TDP1: variants seen among roughly 807,000 people sequenced by gnomAD.
The protein encoded by TDP1 is tyr-DNA phosphodiesterase 1.
TDP1 carries 64 observed loss-of-function variants against 81.5 expected under a neutral mutation model. The ratio of observed to expected loss-of-function variants is 0.79; its 90% CI spans 0.64 to 0.97. The LOEUF (loss-of-function observed/expected upper bound fraction) is 0.97, where lower values mean the gene tolerates loss of function less well. Among genes scored for constraint, TDP1 ranks in the 50% least tolerant of loss-of-function variants. The pLI is 0.00. For missense variants in TDP1, 723 were observed against 743.8 expected (o/e 0.97, Z 0.33); for synonymous variants, 256 against 264.3 (o/e 0.97, Z 0.30).
rs143598870 is a variant in TDP1 at position 89,963,341 on chromosome 14, G to A, written c.227G>A (p.Arg76Lys). 6.2e-7 allele frequency: 1 copy of A among 1,614,190 alleles called. No homozygotes were observed. The highest frequency in any genetic ancestry group is 1.7e-5 in the Admixed American group (1 of 60,022). Reference sequence around the variant, plus strand: ...ACAGATTCAGTTTTACCTCCCAAAAGGCAGAAAAGCGGTTCCCAGGAGGAC... The same window carrying A: ...ACAGATTCAGTTTTACCTCCCAAAAAGCAGAAAAGCGGTTCCCAGGAGGAC... ...SNTDSVLPPK[R>K]QKSGSQEDLG... Residue 76 changes from arginine to lysine, a missense_variant, in exon 3 of 17, where the codon AGG becomes AAG. Coordinates refer to ENST00000335725, the MANE Select transcript of TDP1 (RefSeq NM_018319.4).
intron 15 of TDP1, among the ~76,000 whole-genome samples, chr14:90,027,236 T>G (rs1566923514): frequency 6.6e-6 from 1 of 152,238 alleles, no homozygotes; most frequent in South Asian, 2.1e-4. Context: ...CTGGCAAGAA[T>G]TTCTCTGCCT....
intron 14 of TDP1, among the ~76,000 whole-genome samples, chr14:89,998,432 G>GTA (rs1896897514): frequency 1.8e-5 from 2 of 109,954 alleles, no homozygotes; most frequent in African/African-American, 8.3e-5. Flanking sequence ...ATGTATGTAT[G>GTA]TATGTATGTA....
intron 16 of TDP1, among the ~76,000 whole-genome samples, chr14:90,038,657 G>A (rs1391243539): frequency 6.6e-6 from 1 of 152,120 alleles, no homozygotes; most frequent in Admixed American, 6.5e-5. Context: ...GGCCAACATG[G>A]TGAAACCCTG....
chr14:89,977,368 GCTC>G, intron 7 of TDP1, among the ~76,000 whole-genome samples: 1 of 152,096 alleles, frequency 6.6e-6, no homozygotes, highest in Admixed American at 6.5e-5. Flanking sequence ...CGCAATCTCA[GCTC>G]GTTACAACCT....
intron 6 of TDP1, 43 bp from the exon 7 acceptor site, chr14:89,975,738 T>G (rs778158640): frequency 1.5e-5 from 23 of 1,534,260 alleles, no homozygotes; most frequent in Middle Eastern, 1.7e-4. Flanking sequence ...GATATGGATA[T>G]TAGTGAGTTG....
intron 14 of TDP1, among the ~76,000 whole-genome samples, chr14:90,001,722 C>G (rs1323025848): frequency 6.6e-6 from 1 of 152,168 alleles, no homozygotes; most frequent in Admixed American, 6.5e-5. Context: ...ACTTTTCTTT[C>G]AACTTCTAAT....
At chr14:89,980,682 C>T (rs764696136) in intron 8 of TDP1, 50 bp downstream of exon 8, 1 of 1,404,136 alleles carries the variant, frequency 7.1e-7, no homozygotes, top group South Asian at 1.2e-5. Context: ...TGATAAAGGT[C>T]AAAAGCCAGA....
chr14:89,998,436 G>GTATGTATGTATGTATGTATGTA (rs1555390662), intron 14 of TDP1, among the ~76,000 whole-genome samples: 34 of 106,406 alleles, frequency 3.2e-4, no homozygotes, highest in African/African-American at 1.6e-3. Flanking sequence ...ATGTATGTAT[G>GTATGTATGTATGTATGTATGTA]TATGTATATG....
Position 89,971,072 on chromosome 14 carries a change from G to A in TDP1, c.660-103G>A, listed in dbSNP as rs34023661. On this transcript the variant is annotated intron_variant, in intron 5 of 16. Coordinates refer to ENST00000335725, the MANE Select transcript of TDP1 (RefSeq NM_018319.4). ...TCTGGTCTCGAACTCCTGACCTCAGGTAGTCCACCTGCCTCGGCCTCCCAA... is the reference window on the plus strand; with the variant it reads ...TCTGGTCTCGAACTCCTGACCTCAGATAGTCCACCTGCCTCGGCCTCCCAA... The A allele has an allele frequency of 1.1e-3, 999 of 931,020 alleles. 5 individuals are homozygous for A. In the African/African-American group the frequency reaches 0.014, roughly 13 times the overall value. The allele number at this position is 931,020 out of a possible 1,614,324, so 57.7% of individuals were successfully genotyped here. A position where few individuals can be genotyped will look rare whatever the true frequency, so the allele number is the denominator to read the frequency against.
chr14:89,993,127 T>G (rs1896360052), intron 13 of TDP1: 1 of 982,676 alleles, frequency 1.0e-6, no homozygotes, highest in African/African-American at 1.7e-5. Flanking sequence ...GTATGTATGT[T>G]CATGGCAAAA....
chr14:89,987,865 T>C (rs1895741430), intron 10 of TDP1, among the ~76,000 whole-genome samples: 1 of 152,032 alleles, frequency 6.6e-6, no homozygotes, highest in Non-Finnish European at 1.5e-5. Context: ...AAAAAATAAT[T>C]GAAAAAATAC....
At chr14:89,970,861 C>A in intron 5 of TDP1, 1 of 640,196 alleles carries the variant, frequency 1.6e-6, no homozygotes, top group Non-Finnish European at 1.9e-6. Context: ...ATTTTTGAGA[C>A]AGAGTCTTGC....
At chr14:89,984,445 G>T in intron 8 of TDP1, 71 bp from the exon 9 acceptor site, 1 of 1,608,254 alleles carries the variant, frequency 6.2e-7, no homozygotes, top group Non-Finnish European at 8.5e-7. Context: ...TAGGATGAAG[G>T]CATAATCGAT....
chr14:89,983,972 A>C, intron 8 of TDP1: 1 of 225,574 alleles, frequency 4.4e-6, no homozygotes, highest in Non-Finnish European at 7.4e-6. Context: ...ATATGCTGCT[A>C]TAGGACCTAC....
At chr14:89,988,771 G>T in intron 10 of TDP1, 134 bp from the exon 11 acceptor site, 3 of 1,527,214 alleles carry the variant, frequency 2.0e-6, no homozygotes, top group Non-Finnish European at 2.6e-6. Context: ...GTGTGGGTAT[G>T]AAATTGATCA....
intron 14 of TDP1, among the ~76,000 whole-genome samples, chr14:90,015,176 G>T (rs1458322493): frequency 6.6e-6 from 1 of 152,170 alleles, no homozygotes; most frequent in African/African-American, 2.4e-5. Flanking sequence ...GGCTTAAGGA[G>T]TCACAGCTAA....
rs73328461 is a variant in TDP1, at chr14:90,018,392, G to C, written c.1542-924G>C. On this transcript the variant is annotated intron_variant, in intron 14 of 16. Transcript: ENST00000335725. ...AGAGCTTAGTGGTCTCCATTCCTGA[G>C]CACCTTAATATGCACCTTGGCACCT... Among the ~76,000 whole-genome samples the C allele has an allele frequency of 2.4e-3, 358 of 152,240 alleles. 1 individual carries two copies. Among genetic ancestry groups the C allele is most frequent in the African/African-American group, 8.4e-3 (351 of 41,540 alleles).
At chr14:89,968,689 C>T (rs1331704422) in intron 5 of TDP1, among the ~76,000 whole-genome samples, 1 of 152,216 alleles carries the variant, frequency 6.6e-6, no homozygotes, top group Non-Finnish European at 1.5e-5. Flanking sequence ...TGCCTTGGCT[C>T]CTCCTCGCAG....
intron 15 of TDP1, among the ~76,000 whole-genome samples, chr14:90,025,075 C>A (rs1056251886): frequency 6.6e-6 from 1 of 152,214 alleles, no homozygotes; most frequent in African/African-American, 2.4e-5. Flanking sequence ...CACCAGTAGG[C>A]CGTGTCACTT....
Sources: gnomAD v4.1 joint callset for allele counts (sites outside exome capture counted in the v4.1 genomes callset) on GRCh38, gnomAD v4.1.1 for gene constraint, MANE v1.5 for transcripts, NCBI Gene and HGNC (gene_info 2026-07-23, HGNC 2026-07-21) for gene names.